The following PLAUR variants were observed in gnomAD, a reference collection of about 807,000 sequenced individuals.
PLAUR encodes the protein plasminogen activator, urokinase receptor.
Under a neutral mutation model 33.4 loss-of-function variants are expected in PLAUR, and 22 were observed. That is an observed-to-expected ratio of 0.66 (90% CI 0.47 to 0.94). PLAUR has a LOEUF of 0.94. Ranked by LOEUF, PLAUR falls within the 40% of genes least tolerant of loss-of-function variation. The probability of loss-of-function intolerance (pLI) is 0.00; values close to 1 mark genes in which losing one functional copy is unlikely to be tolerated. For synonymous variants in PLAUR, 148 were observed against 167.3 expected (o/e 0.88, Z 0.89); for missense variants, 408 against 434.7 (o/e 0.94, Z 0.55).
intron 3 of PLAUR, among the ~76,000 whole-genome samples, chr19:43,658,899 T>A (rs1294496389): frequency 6.6e-6 from 1 of 152,166 alleles, no homozygotes; most frequent in African/African-American, 2.4e-5. Flanking sequence ...ATTGCCAACA[T>A]AGCTGTTCAT....
chr19:43,649,237 C>G (rs1973891644), intron 6 of PLAUR, 94 bp from the exon 7 acceptor site: 4 of 1,363,572 alleles, frequency 2.9e-6, no homozygotes, highest in Non-Finnish European at 3.1e-6. Flanking sequence ...GTGGGTGCCA[C>G]CTTCACTACC....
chr19:43,661,221 C>T (rs1290696508), intron 3 of PLAUR: 1 of 152,174 alleles, frequency 6.6e-6, no homozygotes, highest in African/African-American at 2.4e-5. Context: ...GCCCCAAACT[C>T]CAACCTCCGT....
intron 3 of PLAUR, among the ~76,000 whole-genome samples, chr19:43,659,418 G>T (rs1259226376): frequency 6.6e-6 from 1 of 152,086 alleles, no homozygotes; most frequent in African/African-American, 2.4e-5. Flanking sequence ...CTCCTAAAGT[G>T]CTGGGATTAC....
At chr19:43,667,965 G>A (rs2146292061) in intron 1 of PLAUR, 1 of 1,305,250 alleles carries the variant, frequency 7.7e-7, no homozygotes, top group Non-Finnish European at 9.8e-7. Flanking sequence ...CTGTCCTCGT[G>A]AGGCGTATAT....
At position 43,652,254 on chromosome 19, in the gene PLAUR, T is replaced by C. The variant is rs763504236; in HGVS notation, c.725A>G (p.Asn242Ser). Reference protein sequence around the residue: ...TFLIDCRGPMNQCLVATGTHE... With the variant: ...TFLIDCRGPMSQCLVATGTHE... ...AGTGCCGGTGGCTACCAGACATTGATTCATGGGGCCTCGGCAGTCAATGAG... is the reference window on the plus strand; with the variant it reads ...AGTGCCGGTGGCTACCAGACATTGACTCATGGGGCCTCGGCAGTCAATGAG... Residue 242 changes from asparagine to serine, a missense_variant, in exon 6 of 7, where the codon AAT (asparagine) becomes AGT (serine). Physicochemically the swap from Asn to Ser is conservative, Grantham distance 46 (BLOSUM62 1). Coordinates refer to ENST00000340093, the MANE Select transcript of PLAUR (RefSeq NM_002659.4). The C allele has an allele frequency of 2.5e-6, 4 of 1,613,986 alleles. No individual in the cohort carries two copies. In the African/African-American group the frequency reaches 4.0e-5, roughly 16 times the overall value.
intron 1 of PLAUR, chr19:43,668,041 C>T: frequency 9.3e-7 from 1 of 1,076,358 alleles, no homozygotes; most frequent in African/African-American, 1.7e-5. Context: ...AGGTCTTTCT[C>T]ACCGCACCGG....
chr19:43,667,972 A>G lies in PLAUR; in HGVS notation c.56-281T>C, dbSNP rs4251812. On this transcript the variant is annotated intron_variant, in intron 1 of 6. Transcript: ENST00000340093. Reference sequence around the variant, plus strand: ...CTTTCATTCTGTCCTCGTGAGGCGTATATCCTGACAGTCGTATCCCCGCCC... The same window carrying G: ...CTTTCATTCTGTCCTCGTGAGGCGTGTATCCTGACAGTCGTATCCCCGCCC... 390 of 1,278,502 alleles carry G rather than the reference A, an allele frequency of 3.1e-4. 3 individuals are homozygous for G. In the African/African-American group the frequency reaches 5.4e-3, roughly 18 times the overall value. 79.2% of individuals were successfully genotyped at this position (1,278,502 alleles called of 1,614,324 possible).
intron 5 of PLAUR, 105 bp from the exon 6 acceptor site, chr19:43,652,476 G>A: frequency 1.8e-6 from 2 of 1,126,572 alleles, no homozygotes; most frequent in Non-Finnish European, 1.3e-6. Context: ...GAGATGTCAT[G>A]GAGCCACCTT....
At chr19:43,667,738 C>G (rs1037472346) in intron 1 of PLAUR, 47 bp from the exon 2 acceptor site, 1 of 1,598,896 alleles carries the variant, frequency 6.3e-7, no homozygotes, top group Non-Finnish European at 8.5e-7. Flanking sequence ...ACGCTTAGCT[C>G]CAAGACCCCC....
At chr19:43,652,864 T>C (rs1164607081) in intron 5 of PLAUR, among the ~76,000 whole-genome samples, 1 of 152,094 alleles carries the variant, frequency 6.6e-6, no homozygotes, top group East Asian at 1.9e-4. Flanking sequence ...TTACTCAGGC[T>C]GGTCTCAAAC....
At chr19:43,668,975 G>T (rs570047868) in intron 1 of PLAUR, among the ~76,000 whole-genome samples, 44 of 152,188 alleles carry the variant, frequency 2.9e-4, no homozygotes, top group African/African-American at 1.0e-3. Context: ...CCAGTCCCTA[G>T]GCCCGGTCCC....
downstream of PLAUR, chr19:43,646,589 T>C (rs1973828213): frequency 2.8e-6 from 2 of 714,324 alleles, no homozygotes; most frequent in Non-Finnish European, 5.2e-6. Flanking sequence ...TCTTAAAACT[T>C]GGTTCCAGAA....
intron 6 of PLAUR, among the ~76,000 whole-genome samples, chr19:43,649,686 G>GAGGA (rs745323133): frequency 2.7e-5 from 4 of 148,880 alleles, no homozygotes; most frequent in South Asian, 2.1e-4. Context: ...GGAAGGAAGG[G>GAGGA]AGGAAGGAAG....
intron 5 of PLAUR, among the ~76,000 whole-genome samples, chr19:43,655,135 G>A (rs1051117542): frequency 1.3e-5 from 2 of 152,074 alleles, no homozygotes; most frequent in African/African-American, 4.8e-5. Flanking sequence ...AAATTAGCCA[G>A]GGGTGATGGT....
At chr19:43,663,187 G>C (rs533980944) in intron 3 of PLAUR, among the ~76,000 whole-genome samples, 1 of 152,070 alleles carries the variant, frequency 6.6e-6, no homozygotes. Flanking sequence ...CTATTAGGTT[G>C]GTGCAAAAGT....
intron 4 of PLAUR, 86 bp from the exon 5 acceptor site, chr19:43,655,659 C>A (rs976477641): frequency 8.2e-7 from 1 of 1,218,046 alleles, no homozygotes; most frequent in Non-Finnish European, 1.2e-6. Context: ...AGGCATTCAA[C>A]CATTCTCTAC....
chr19:43,664,527 C>G (rs1313242815), intron 3 of PLAUR, among the ~76,000 whole-genome samples: 1 of 152,210 alleles, frequency 6.6e-6, no homozygotes, highest in Non-Finnish European at 1.5e-5. Context: ...CCAGGCTGGT[C>G]TTAAACTCTT....
chr19:43,669,958 G>C, intron 1 of PLAUR, 108 bp downstream of exon 1: 1 of 989,108 alleles, frequency 1.0e-6, no homozygotes, highest in South Asian at 1.5e-5. Flanking sequence ...TTTGATTAGG[G>C]AGGATGCTGA....
chr19:43,659,307 G>A (rs1474233056), intron 3 of PLAUR, among the ~76,000 whole-genome samples: 1 of 151,498 alleles, frequency 6.6e-6, no homozygotes, highest in Non-Finnish European at 1.5e-5. Flanking sequence ...GCATGTGCCA[G>A]TTCACCTGGC....
Sources: allele counts gnomAD v4.1 joint callset (sites outside exome capture counted in the v4.1 genomes callset), GRCh38; gene constraint gnomAD v4.1.1; transcripts MANE v1.5; gene names NCBI Gene and HGNC (gene_info 2026-07-23, HGNC 2026-07-21).